Variants in UBE3C observed in about 807,000 individuals in gnomAD.
UBE3C encodes the protein ubiquitin-protein ligase E3C.
Under a neutral mutation model 129.4 loss-of-function variants are expected in UBE3C, and 42 were observed. That is an observed-to-expected ratio of 0.32 (90% CI 0.25 to 0.42). UBE3C has a LOEUF of 0.42. Among genes scored for constraint, UBE3C ranks in the 10% least tolerant of loss-of-function variants. The probability of loss-of-function intolerance (pLI) is 1.00; values close to 1 mark genes in which losing one functional copy is unlikely to be tolerated. For missense variants in UBE3C, 1,049 were observed against 1,319.1 expected (o/e 0.80, Z 3.17); for synonymous variants, 510 against 492.4 (o/e 1.04, Z -0.47).
At chr7:157,242,911 T>C (rs534925577) in intron 18 of UBE3C, among the ~76,000 whole-genome samples, 15 of 151,990 alleles carry the variant, frequency 9.9e-5, no homozygotes, top group Non-Finnish European at 1.6e-4. Flanking sequence ...AAAAATAAGC[T>C]GGGCGTGGTG....
intron 15 of UBE3C, 92 bp from the exon 16 acceptor site, chr7:157,223,162 G>A (rs767323282): frequency 1.6e-4 from 209 of 1,320,278 alleles, no homozygotes; most frequent in Non-Finnish European, 2.1e-4. Context: ...AGTTAATCAG[G>A]ATGATTTCAA....
Position 157,139,023 on chromosome 7 carries a change from C to CAT in UBE3C, c.-250_-249insAT, listed in dbSNP as rs1354030127. The CAT allele has an allele frequency of 6.5e-6, 1 of 154,540 alleles. No homozygotes were observed. Among genetic ancestry groups the CAT allele is most frequent in the Non-Finnish European group, 1.4e-5 (1 of 70,070 alleles). 9.6% of individuals were successfully genotyped at this position (154,540 alleles called of 1,614,324 possible). On this transcript the variant is annotated 5_prime_UTR_variant, in exon 1 of 23. It adds an upstream start codon to the 5' untranslated region. Coordinates refer to ENST00000348165, the MANE Select transcript of UBE3C (RefSeq NM_014671.3). The stretch of plus-strand genomic sequence containing the variant: ...CCCGCTGGGCGCCCCTGCAGCGGCC[C>CAT]GAGCTGTGGCCGGCGTGGATGAGGG...
chr7:157,176,168 C>A (rs1808512419), intron 5 of UBE3C, among the ~76,000 whole-genome samples: 1 of 152,114 alleles, frequency 6.6e-6, no homozygotes, highest in Admixed American at 6.5e-5. Flanking sequence ...ATTTCTAATA[C>A]CAGAAACACC....
rs775354320 is a variant in UBE3C, at chr7:157,256,898, G to A, written c.2951-16G>A. 8 of 1,613,844 alleles carry A rather than the reference G, an allele frequency of 5.0e-6. No individual in the cohort carries two copies. Among genetic ancestry groups the A allele is most frequent in the South Asian group, 3.3e-5 (3 of 91,064 alleles). On this transcript the variant is annotated splice_polypyrimidine_tract_variant and intron_variant, in intron 21 of 22. Transcript: ENST00000348165. ...GTGCTTTGCATTTCATAAAGCATGT[G>A]TTCATTTTGCCATAGGAGGCTATTC...
chr7:157,231,180 T>C lies in UBE3C; in HGVS notation c.2334T>C (p.Asn778=). 1 of 1,614,156 alleles carries C rather than the reference T, an allele frequency of 6.2e-7. No individual in the cohort carries two copies. Among genetic ancestry groups the C allele is most frequent in the Non-Finnish European group, 8.5e-7 (1 of 1,180,036 alleles). ...DGGGIFREFL[N]ELLKSGFNPN... ...GTGGTATTTTCAGAGAGTTTTTAAA[T>C]GAACTACTGAAGTCAGGATTTAACC... Residue 778 remains asparagine (N), a synonymous_variant, in exon 18 of 23, where the codon AAT becomes AAC. Coordinates refer to ENST00000348165, the MANE Select transcript of UBE3C (RefSeq NM_014671.3).
At chr7:157,181,879 T>C (rs1808674909) in intron 7 of UBE3C, among the ~76,000 whole-genome samples, 1 of 152,260 alleles carries the variant, frequency 6.6e-6, no homozygotes. Context: ...GTTATTTTCC[T>C]GCTTTTCTAA....
chr7:157,230,068 C>T (rs1795982123), intron 17 of UBE3C, among the ~76,000 whole-genome samples: 1 of 151,860 alleles, frequency 6.6e-6, no homozygotes, highest in Non-Finnish European at 1.5e-5. Context: ...GCCACCTTGC[C>T]TGGCTAGTTT....
At chr7:157,160,508 A>G (rs572611973) in intron 1 of UBE3C, among the ~76,000 whole-genome samples, 1 of 152,360 alleles carries the variant, frequency 6.6e-6, no homozygotes, top group African/African-American at 2.4e-5. Context: ...TATTTAGGTT[A>G]AAAAGAGTCT....
At position 157,256,967 on chromosome 7, in the gene UBE3C, G is replaced by A. The variant is rs1260993569; in HGVS notation, c.3004G>A (p.Gly1002Arg). Residue 1002 changes from glycine to arginine, a missense_variant, in exon 22 of 23, where the codon GGG becomes AGG. Around this residue, in one of 4 missense-constraint regions of UBE3C, gnomAD observed 243 missense variants for 368.7 expected, o/e 0.66. Coordinates refer to ENST00000348165, the MANE Select transcript of UBE3C (RefSeq NM_014671.3). ...VIKVFWRVVE[G>R]FTDEEKRKLL... is the part of the protein sequence containing the mutation. ...TAAGGTCTTCTGGAGAGTTGTGGAA[G>A]GGTTCACTGATGAAGAAAAGCGCAA... 3.1e-6 allele frequency: 5 copies of A among 1,614,186 alleles called. No homozygotes were observed. The highest frequency in any genetic ancestry group is 1.1e-5 in the South Asian group (1 of 91,088).
chr7:157,201,633 A>G lies in UBE3C; in HGVS notation c.1332-88A>G, dbSNP rs1390708294. 9 of 584,704 alleles carry G rather than the reference A, an allele frequency of 1.5e-5. No homozygotes were observed. In the Admixed American group the frequency reaches 2.7e-4, roughly 18 times the overall value. 36.2% of individuals were successfully genotyped at this position (584,704 alleles called of 1,614,324 possible). A position where few individuals can be genotyped will look rare whatever the true frequency, so the allele number is the denominator to read the frequency against. On this transcript the variant is annotated intron_variant, in intron 10 of 22. Transcript: ENST00000348165. ...TAAATTGTACGTTGATCTTCAGTGT[A>G]TCGCTTTTTTTTTTTTTTTTTTTTT...
At chr7:157,163,694 C>T (rs1162649791) in intron 1 of UBE3C, 116 bp from the exon 2 acceptor site, 1 of 1,088,286 alleles carries the variant, frequency 9.2e-7, no homozygotes, top group Non-Finnish European at 1.3e-6. Flanking sequence ...GTCAAGACAG[C>T]TTGTTTGGAT....
chr7:157,194,214 G>A lies in UBE3C; in HGVS notation c.1331+7193G>A, dbSNP rs188079166. 1.8e-4 allele frequency among the ~76,000 whole-genome samples: 28 copies of A among 152,304 alleles called. No individual in the cohort carries two copies. The East Asian group carries it at 5.4e-3, about 29-fold the overall frequency. ...TTATACATTATACAGGTTGTTTTCA[G>A]TTAAGTGAAAAGGAGTTGGGCTTGT... On this transcript the variant is annotated intron_variant, in intron 10 of 22. Transcript: ENST00000348165.
intron 2 of UBE3C, among the ~76,000 whole-genome samples, chr7:157,165,103 C>G (rs1020846319): frequency 3.3e-5 from 5 of 152,100 alleles, no homozygotes; most frequent in Admixed American, 3.3e-4. Context: ...CAGAAACTAC[C>G]AAATGTCCCA....
At chr7:157,139,504 C>T (rs971914042) in intron 1 of UBE3C, among the ~76,000 whole-genome samples, 166 bp downstream of exon 1, 1 of 149,710 alleles carries the variant, frequency 6.7e-6, no homozygotes, top group Non-Finnish European at 1.5e-5. Context: ...ATCTCGGGGC[C>T]GCTCCGGCCG....
chr7:157,258,504 G>A (rs968241118), intron 22 of UBE3C, among the ~76,000 whole-genome samples: 22 of 152,234 alleles, frequency 1.4e-4, no homozygotes, highest in Non-Finnish European at 1.5e-4. Context: ...CCAGGCTGGA[G>A]TGCAGAGGGC....
intron 4 of UBE3C, among the ~76,000 whole-genome samples, chr7:157,170,993 G>A (rs74592041): frequency 1.4e-4 from 21 of 149,442 alleles, no homozygotes; most frequent in Non-Finnish European, 2.7e-4. Flanking sequence ...TTTTTTTTTT[G>A]TAGAGATGAG....
At chr7:157,254,749 A>G (rs767055513) in intron 21 of UBE3C, among the ~76,000 whole-genome samples, 47 of 151,926 alleles carry the variant, frequency 3.1e-4, no homozygotes, top group Non-Finnish European at 5.1e-4. Flanking sequence ...ACATGGTTCA[A>G]AAACCAGATG....
intron 15 of UBE3C, chr7:157,222,216 A>G (rs563150040): frequency 9.9e-5 from 15 of 152,258 alleles, no homozygotes; most frequent in Middle Eastern, 3.4e-3. Flanking sequence ...TTATAAAGCT[A>G]TTCTGGATAT....
chr7:157,265,385 T>C (rs1172315472), intron 22 of UBE3C, among the ~76,000 whole-genome samples: 2 of 152,232 alleles, frequency 1.3e-5, no homozygotes, highest in African/African-American at 4.8e-5. Flanking sequence ...TGTTTGTGTA[T>C]ACGAGGAAGG....
Sources: allele counts gnomAD v4.1 joint callset (sites outside exome capture counted in the v4.1 genomes callset), GRCh38; gene constraint gnomAD v4.1.1; regional missense constraint gnomAD v4.1.1; transcripts MANE v1.5; gene names NCBI Gene and HGNC (gene_info 2026-07-23, HGNC 2026-07-21).